OR2T11: variants seen among roughly 807,000 people sequenced by gnomAD.
The protein encoded by OR2T11 is olfactory receptor 2T11.
A neutral mutation model predicts 13.5 loss-of-function variants in OR2T11; 14 were observed. The ratio of observed to expected loss-of-function variants is 1.04; its 90% CI spans 0.69 to 1.62. OR2T11 has a LOEUF of 1.62. Among genes scored for constraint, OR2T11 ranks in the 40% most tolerant of loss-of-function variants. The pLI, the probability that OR2T11 is intolerant of heterozygous loss-of-function variation, is 0.00. For synonymous variants in OR2T11, 163 were observed against 154.6 expected, an observed-to-expected ratio of 1.05 and a Z score of -0.40; for missense variants, 410 against 389.7, an observed-to-expected ratio of 1.05 and a Z score of -0.44.
At chr1:248,632,221 A>G (rs1235203712) in intron 1 of OR2T11, among the ~76,000 whole-genome samples, 1 of 143,898 alleles carries the variant, frequency 6.9e-6, no homozygotes, top group Non-Finnish European at 1.5e-5. Flanking sequence ...TGTGGAATCA[A>G]TTGAAATGGT....
At position 248,631,926 on chromosome 1, in the gene OR2T11, C is replaced by T. The variant is rs1227284075; in HGVS notation, c.-145+3112G>A. Among the ~76,000 whole-genome samples, 7 of 143,654 alleles carry T rather than the reference C, an allele frequency of 4.9e-5. 1 individual carries two copies. The highest frequency in any genetic ancestry group is 8.2e-5 in the African/African-American group (3 of 36,442). The allele number at this position is 143,654 out of a possible 152,430, so 94.2% of individuals were successfully genotyped here. A position where few individuals can be genotyped will look rare whatever the true frequency, so the allele number is the denominator to read the frequency against. On this transcript the variant is annotated intron_variant, in intron 1 of 1. Coordinates refer to ENST00000641193, the MANE Select transcript of OR2T11 (RefSeq NM_001001964.2). ...ACCGCTGTCAACATGAAGCCCTGTA[C>T]GTACTATTCCCTGTTGGGGATCTGA...
intron 1 of OR2T11, among the ~76,000 whole-genome samples, chr1:248,629,054 G>A (rs1023054290): frequency 1.4e-5 from 2 of 143,678 alleles, no homozygotes; most frequent in Non-Finnish European, 3.0e-5. Flanking sequence ...CTAAGGAGAA[G>A]AGAGCACATC....
At chr1:248,631,340 T>TCC (rs1289320386) in intron 1 of OR2T11, among the ~76,000 whole-genome samples, 1 of 143,806 alleles carries the variant, frequency 7.0e-6, no homozygotes, top group Non-Finnish European at 1.5e-5. Flanking sequence ...TGCCAACGTT[T>TCC]CCACGTGCTC....
chr1:248,631,724 C>T (rs1199013234), intron 1 of OR2T11, among the ~76,000 whole-genome samples: 2 of 143,150 alleles, frequency 1.4e-5, no homozygotes, highest in Admixed American at 6.8e-5. Context: ...CACCTGCCTG[C>T]AGGTGTCTGG....
intron 1 of OR2T11, among the ~76,000 whole-genome samples, chr1:248,634,510 T>A (rs1388661441): frequency 1.4e-5 from 2 of 142,834 alleles, no homozygotes; most frequent in African/African-American, 2.8e-5. Context: ...GTTTAAGAAA[T>A]CCATCCTCAG....
rs1392315653 is a variant in OR2T11 at position 248,633,870 on chromosome 1, A to G, written c.-145+1168T>C. ...TGGGACTTACCTCCTGTTTGCTTCA[A>G]AGAAGGACTATATGAAGAATCTAGC... On this transcript the variant is annotated intron_variant, in intron 1 of 1. Transcript: ENST00000641193. Among the ~76,000 whole-genome samples the G allele has an allele frequency of 1.4e-5, 2 of 144,088 alleles. 1 individual carries two copies. Among genetic ancestry groups the G allele is most frequent in the African/African-American group, 5.4e-5 (2 of 36,796 alleles). 94.5% of individuals were successfully genotyped at this position (144,088 alleles called of 152,430 possible). A position where few individuals can be genotyped will look rare whatever the true frequency, so the allele number is the denominator to read the frequency against.
At position 248,626,505 on chromosome 1, in the gene OR2T11, G is replaced by A. The variant is rs1660522370; in HGVS notation, c.624C>T (p.Ile208=). 1.3e-6 allele frequency: 2 copies of A among 1,571,290 alleles called. No homozygotes were observed. The highest frequency in any genetic ancestry group is 3.0e-5 in the African/African-American group (2 of 66,880). Residue 208 remains isoleucine, a synonymous_variant, in exon 2 of 2, where the codon ATC becomes ATT. Transcript: ENST00000641193. ...GGGAGTAGGAAGTGGAGATGATAGA[G>A]ATGGGGATGAGCAACATGAGGACAC... ...ICCVLMLLIP[I]SIISTSYSLI... is the part of the protein sequence containing the mutation.
At chr1:248,630,211 ACTTGTG>A in intron 1 of OR2T11, among the ~76,000 whole-genome samples, 1 of 142,992 alleles carries the variant, frequency 7.0e-6, no homozygotes, top group Non-Finnish European at 1.5e-5. Flanking sequence ...AATGCTAGGC[ACTTGTG>A]TTTATCTTCA....
rs776227978 is a variant in OR2T11, at chr1:248,626,466, G to A, written c.663C>T (p.Thr221=). ...CTTCAGCAGAGGGCATGCGGTGGAT[G>A]GTTAACAAGATGAGGGAGTAGGAAG... ...ISTSYSLILL[T]IHRMPSAEGR... The change falls in exon 2 of 2, where the codon ACC becomes ACT. Residue 221 remains threonine, a synonymous_variant. Transcript: ENST00000641193. 6.4e-6 allele frequency: 10 copies of A among 1,572,886 alleles called. 4 individuals carry two copies. In the Admixed American group the frequency reaches 1.7e-4, roughly 27 times the overall value.
chr1:248,634,569 ATT>A lies in OR2T11; in HGVS notation c.-145+467_-145+468del, dbSNP rs1268883232. Reference sequence around the variant, plus strand: ...CTTAAAAATGCATCTGGTTTTTATCATTTGTGTGTGAATCAGCCTGTTGTTTT... The same window carrying A: ...CTTAAAAATGCATCTGGTTTTTATCATGTGTGTGAATCAGCCTGTTGTTTT... On this transcript the variant is annotated intron_variant, in intron 1 of 1. Transcript: ENST00000641193. Among the ~76,000 whole-genome samples, 2 of 140,890 alleles carry A rather than the reference ATT, an allele frequency of 1.4e-5. 1 individual carries two copies. Among genetic ancestry groups the A allele is most frequent in the East Asian group, 4.1e-4 (2 of 4,890 alleles). The allele number at this position is 140,890 out of a possible 152,430, so 92.4% of individuals were successfully genotyped here.
In OR2T11 at chr1:248,628,926, C is replaced by G. The variant is rs1360968448; in HGVS notation, c.-144-1654G>C. The stretch of plus-strand genomic sequence containing the variant: ...GATCGTTTCAATTCTATTCCATTTC[C>G]CAAGGATAGTGAACACAAATATTGC... On this transcript the variant is annotated intron_variant, in intron 1 of 1. Coordinates refer to ENST00000641193, the MANE Select transcript of OR2T11 (RefSeq NM_001001964.2). Among the ~76,000 whole-genome samples, 2 of 142,716 alleles carry G rather than the reference C, an allele frequency of 1.4e-5. 1 individual carries two copies. The highest frequency in any genetic ancestry group is 5.5e-5 in the African/African-American group (2 of 36,062). The allele number at this position is 142,716 out of a possible 152,430, so 93.6% of individuals were successfully genotyped here. A position where few individuals can be genotyped will look rare whatever the true frequency, so the allele number is the denominator to read the frequency against.
At position 248,629,656 on chromosome 1, in the gene OR2T11, T is replaced by C. The variant is rs1296710431; in HGVS notation, c.-144-2384A>G. ...AACCCTGCAGTTGTGCTTTACATCA[T>C]ACATTAAGGCCCATCACGTTCTGAA... On this transcript the variant is annotated intron_variant, in intron 1 of 1. Coordinates refer to ENST00000641193, the MANE Select transcript of OR2T11 (RefSeq NM_001001964.2). Among the ~76,000 whole-genome samples the C allele has an allele frequency of 2.9e-5, 4 of 138,716 alleles. 1 individual carries two copies. The highest frequency in any genetic ancestry group is 2.1e-4 in the East Asian group (1 of 4,786). The allele number at this position is 138,716 out of a possible 152,430, so 91.0% of individuals were successfully genotyped here. A position where few individuals can be genotyped will look rare whatever the true frequency, so the allele number is the denominator to read the frequency against.
In OR2T11 at chr1:248,625,728, A is replaced by G. The variant is rs1660504091; in HGVS notation, c.*450T>C. 6.6e-6 allele frequency: 1 copy of G among 150,380 alleles called. No individual in the cohort carries two copies. The highest frequency in any genetic ancestry group is 1.9e-4 in the South Asian group (1 of 5,230). 9.3% of individuals were successfully genotyped at this position (150,380 alleles called of 1,614,324 possible). ...TAATACTAAAATAAAAAACACGACT[A>G]AAGTGTGTGCTTTTATCTTCTTTGC... On this transcript the variant is annotated 3_prime_UTR_variant, in exon 2 of 2. Coordinates refer to ENST00000641193, the MANE Select transcript of OR2T11 (RefSeq NM_001001964.2).
At chr1:248,632,159 CAA>C (rs1309584103) in intron 1 of OR2T11, among the ~76,000 whole-genome samples, 2 of 143,470 alleles carry the variant, frequency 1.4e-5, no homozygotes, top group African/African-American at 5.5e-5. Context: ...ACATGAAAAA[CAA>C]ATTCATTTCA....
Position 248,630,162 on chromosome 1 carries a change from T to C in OR2T11, c.-144-2890A>G, listed in dbSNP as rs572377431. Among the ~76,000 whole-genome samples the C allele has an allele frequency of 3.5e-5, 5 of 143,440 alleles. 2 individuals carry two copies. The highest frequency in any genetic ancestry group is 1.4e-4 in the African/African-American group (5 of 36,522). 94.1% of individuals were successfully genotyped at this position (143,440 alleles called of 152,430 possible). On this transcript the variant is annotated intron_variant, in intron 1 of 1. Transcript: ENST00000641193. ...TCTAGAATTCCTTCAAAACACCTCCTGATTTTATATAATGTGCTGAAGAGA... is the reference window on the plus strand; with the variant it reads ...TCTAGAATTCCTTCAAAACACCTCCCGATTTTATATAATGTGCTGAAGAGA...
rs977736849 is a variant in OR2T11, at chr1:248,626,082, A to G, written c.*96T>C. 5 of 680,520 alleles carry G rather than the reference A, an allele frequency of 7.3e-6. No individual in the cohort carries two copies. Among genetic ancestry groups the G allele is most frequent in the Non-Finnish European group, 1.3e-5 (5 of 392,106 alleles). 42.2% of individuals were successfully genotyped at this position (680,520 alleles called of 1,614,324 possible). On this transcript the variant is annotated 3_prime_UTR_variant, in exon 2 of 2. Transcript: ENST00000641193. The stretch of plus-strand genomic sequence containing the variant: ...AGGGTGAATCATCTTAACTGCCAGT[A>G]GTAAGTGTAGGTTGATAGCTGAGCA...
Position 248,626,276 on chromosome 1 carries a change from G to T in OR2T11, c.853C>A (p.Leu285Ile), listed in dbSNP as rs779954544. 3.8e-6 allele frequency: 6 copies of T among 1,569,474 alleles called. 1 individual carries two copies. Among genetic ancestry groups the T allele is most frequent in the Non-Finnish European group, 5.2e-6 (6 of 1,153,012 alleles). The change falls in exon 2 of 2, where the codon CTC becomes ATC. Residue 285 changes from leucine (L) to isoleucine (I), a missense_variant. Coordinates refer to ENST00000641193, the MANE Select transcript of OR2T11 (RefSeq NM_001001964.2). ...YTIVTPMLNP[L>I]IYSLRNKDVI... The stretch of plus-strand genomic sequence containing the variant: ...TCCTTGTTTCTGAGGCTGTAGATGA[G>T]AGGATTAAGCATGGGCGTGACAATG...
rs1479655726 is a variant in OR2T11 at position 248,633,453 on chromosome 1, A to AT, written c.-145+1584dup. Among the ~76,000 whole-genome samples the AT allele has an allele frequency of 3.5e-5, 4 of 113,908 alleles. 1 individual carries two copies. Among genetic ancestry groups the AT allele is most frequent in the Non-Finnish European group, 7.2e-5 (4 of 55,854 alleles). The allele number at this position is 113,908 out of a possible 152,430, so 74.7% of individuals were successfully genotyped here. A position where few individuals can be genotyped will look rare whatever the true frequency, so the allele number is the denominator to read the frequency against. On this transcript the variant is annotated intron_variant, in intron 1 of 1. Transcript: ENST00000641193. ...TTAGAAATAATCAAAAAAGGTAAAG[A>AT]TTTTTACAATCTTTCAAATTACACA...
rs1380285646 is a variant in OR2T11, at chr1:248,628,012, G to A, written c.-144-740C>T. On this transcript the variant is annotated intron_variant, in intron 1 of 1. Transcript: ENST00000641193. ...TGACACTAAGCTGACTCCCTGCATTGCTCTCCATTGCTACTGTAGGTTTGG... is the reference window on the plus strand; with the variant it reads ...TGACACTAAGCTGACTCCCTGCATTACTCTCCATTGCTACTGTAGGTTTGG... 3.5e-5 allele frequency among the ~76,000 whole-genome samples: 5 copies of A among 143,556 alleles called. 2 individuals carry two copies. Among genetic ancestry groups the A allele is most frequent in the African/African-American group, 1.4e-4 (5 of 36,466 alleles). The allele number at this position is 143,556 out of a possible 152,430, so 94.2% of individuals were successfully genotyped here.
Sources: gnomAD v4.1 joint callset for allele counts (sites outside exome capture counted in the v4.1 genomes callset) on GRCh38, gnomAD v4.1.1 for gene constraint, MANE v1.5 for transcripts, NCBI Gene and HGNC (gene_info 2026-07-23, HGNC 2026-07-21) for gene names.